The following SPEN variants were observed in gnomAD, a reference collection of about 807,000 sequenced individuals.
The protein encoded by SPEN is msx2-interacting protein.
A neutral mutation model predicts 269.9 loss-of-function variants in SPEN; 18 were observed. That is an observed-to-expected ratio of 0.07 (90% confidence interval 0.05 to 0.10). The LOEUF is 0.10. Ranked by LOEUF, SPEN falls within the 10% of genes least tolerant of loss-of-function variation. The pLI is 1.00. For missense variants in SPEN, 3,822 were observed against 4,631.2 expected, an observed-to-expected ratio of 0.83 and a Z score of 5.07; for synonymous variants, 1,726 against 1,765.7, an observed-to-expected ratio of 0.98 and a Z score of 0.56.
chr1:15,851,413 G>GAA (rs992591900), intron 1 of SPEN, among the ~76,000 whole-genome samples: 9 of 152,256 alleles, frequency 5.9e-5, no homozygotes, highest in African/African-American at 2.2e-4. Context: ...ACACAATAGA[G>GAA]AAAGTCCTTT....
chr1:15,859,042 AAC>A, intron 1 of SPEN, among the ~76,000 whole-genome samples: 1 of 152,222 alleles, frequency 6.6e-6, no homozygotes, highest in Non-Finnish European at 1.5e-5. Context: ...TCCTTCTGCT[AAC>A]CAGCTATGTT....
At chr1:15,862,036 C>A (rs976974894) in intron 1 of SPEN, among the ~76,000 whole-genome samples, 1 of 151,948 alleles carries the variant, frequency 6.6e-6, no homozygotes, top group Non-Finnish European at 1.5e-5. Flanking sequence ...AGTGAGACTC[C>A]GTCTCAAAAA....
At chr1:15,860,528 G>A (rs990821801) in intron 1 of SPEN, among the ~76,000 whole-genome samples, 2 of 148,960 alleles carry the variant, frequency 1.3e-5, no homozygotes, top group African/African-American at 5.0e-5. Context: ...CTGGTCTCAG[G>A]ATATCCTCCC....
rs1019131737 is a variant in SPEN, at chr1:15,928,300, C to G, written c.2060C>G (p.Pro687Arg). The change falls in exon 11 of 15, where the codon CCT (proline) becomes CGT (arginine). Residue 687 changes from proline (P) to arginine (R), a missense_variant. Physicochemically the swap from Pro to Arg is moderately radical, Grantham distance 103. This residue lies in a region of SPEN where 572 missense variants were observed against 582.6 expected (regional missense o/e 0.98). Coordinates refer to ENST00000375759, the MANE Select transcript of SPEN (RefSeq NM_015001.3). This position sits in a 1 kb window ranked among gnomAD's most constrained non-coding sequence, Gnocchi z 5.7. ...PREYRDYRND[P>R]YEQDIREYSY... is the part of the protein sequence containing the mutation. ...GAATACAGGGATTACAGGAATGATC[C>G]TTATGAACAAGATATTAGGGAATAT... 16 of 1,613,962 alleles carry G rather than the reference C, an allele frequency of 9.9e-6. No homozygotes were observed. Among genetic ancestry groups the G allele is most frequent in the Admixed American group, 1.7e-5 (1 of 59,998 alleles).
intron 1 of SPEN, among the ~76,000 whole-genome samples, chr1:15,868,583 C>T (rs962290458): frequency 4.0e-5 from 6 of 151,666 alleles, no homozygotes; most frequent in African/African-American, 1.5e-4. Flanking sequence ...TACAGGTGCC[C>T]GCCACCATGC....
intron 3 of SPEN, among the ~76,000 whole-genome samples, chr1:15,879,021 A>G (rs1266251022): frequency 9.3e-5 from 14 of 150,342 alleles, no homozygotes; most frequent in Non-Finnish European, 1.8e-4. Flanking sequence ...AAAAAAAAAA[A>G]AAAGAAAAGA....
Position 15,934,400 on chromosome 1 carries a change from C to T in SPEN, c.8160C>T (p.Ala2720=), listed in dbSNP as rs778618853. ...PVNATVGTVN[A]APGTVNAAAS... ...ACGCCACGGTGGGCACAGTGAATGC[C>T]GCCCCAGGCACAGTCAATGCCGCTG... The change falls in exon 11 of 15, where the codon GCC becomes GCT. Residue 2720 remains alanine, a synonymous_variant. Transcript: ENST00000375759. This position sits in a 1 kb window ranked among gnomAD's most constrained non-coding sequence, Gnocchi z 9.2. 2.0e-5 allele frequency: 33 copies of T among 1,613,592 alleles called. No individual in the cohort carries two copies. Among genetic ancestry groups the T allele is most frequent in the South Asian group, 1.9e-4 (17 of 91,086 alleles).
At chr1:15,892,358 A>T (rs1417637019) in intron 3 of SPEN, among the ~76,000 whole-genome samples, 1 of 152,144 alleles carries the variant, frequency 6.6e-6, no homozygotes, top group Non-Finnish European at 1.5e-5. Context: ...ACTATTTGAA[A>T]ATTAAAATTT....
At chr1:15,907,277 T>C (rs1470577074) in intron 3 of SPEN, among the ~76,000 whole-genome samples, 2 of 151,760 alleles carry the variant, frequency 1.3e-5, no homozygotes, top group East Asian at 1.9e-4. Context: ...AGGTCAGGAG[T>C]TTGAGACCAA....
At chr1:15,918,452 C>T (rs185355835) in intron 6 of SPEN, among the ~76,000 whole-genome samples, 39 of 152,364 alleles carry the variant, frequency 2.6e-4, no homozygotes, top group African/African-American at 8.4e-4. Context: ...CTCCTGACCT[C>T]AAGTGATCCG....
chr1:15,876,414 G>C lies in SPEN; in HGVS notation c.617G>C (p.Arg206Pro). Reference protein sequence around the residue: ...AHDPRYEPRAREQFTLPSVVH... With the variant: ...AHDPRYEPRAPEQFTLPSVVH... ...GACCCCCGATATGAACCTAGGGCTC[G>C]CGAGCAGTTTACACTGCCCAGTGTG... is the stretch of plus-strand genomic sequence containing the variant. Residue 206 changes from arginine (R) to proline (P), a missense_variant, in exon 3 of 15, where the codon CGC becomes CCC. By Grantham distance (103) the Arg-to-Pro change is moderately radical. Around this residue, in one of 16 missense-constraint regions of SPEN, gnomAD observed 327 missense variants for 350.8 expected, o/e 0.93. Coordinates refer to ENST00000375759, the MANE Select transcript of SPEN (RefSeq NM_015001.3). 1 of 1,614,032 alleles carries C rather than the reference G, an allele frequency of 6.2e-7. No homozygotes were observed. The highest frequency in any genetic ancestry group is 1.6e-4 in the Middle Eastern group (1 of 6,062).
At chr1:15,884,241 T>A (rs2070715924) in intron 3 of SPEN, among the ~76,000 whole-genome samples, 1 of 152,034 alleles carries the variant, frequency 6.6e-6, no homozygotes, top group African/African-American at 2.4e-5. Context: ...ATAAGAAGCA[T>A]TTTTTTTCTG....
intron 10 of SPEN, among the ~76,000 whole-genome samples, chr1:15,923,419 C>A (rs1282237320): frequency 6.6e-6 from 1 of 152,138 alleles, no homozygotes; most frequent in Non-Finnish European, 1.5e-5. Flanking sequence ...AATGTTCCCA[C>A]TAGGTCTCCA....
chr1:15,865,314 G>C (rs540804374), intron 1 of SPEN, among the ~76,000 whole-genome samples: 1 of 151,132 alleles, frequency 6.6e-6, no homozygotes, highest in Non-Finnish European at 1.5e-5. Context: ...CGGCCTCCCA[G>C]AGTGCTAGGA....
rs1192954183 is a variant in SPEN, at chr1:15,933,242, A to G, written c.7002A>G (p.Lys2334=). 1.2e-6 allele frequency: 2 copies of G among 1,614,052 alleles called. No homozygotes were observed. Among genetic ancestry groups the G allele is most frequent in the Non-Finnish European group, 1.7e-6 (2 of 1,180,044 alleles). Residue 2334 remains lysine (K), a synonymous_variant, in exon 11 of 15, where the codon AAA becomes AAG. Transcript: ENST00000375759. The surrounding 1 kb of genome is among the most constrained non-coding windows in gnomAD (Gnocchi z 5.7). ...TTCGGAAAGACAAAGGGCGCCAGAA[A>G]ACAACCCGATCACGCCGCAAGCGAA... ...TLVRKDKGRQ[K]TTRSRRKRNT...
At position 15,931,415 on chromosome 1, in the gene SPEN, T is replaced by G. The variant is rs772435928; in HGVS notation, c.5175T>G (p.Gly1725=). 3.1e-6 allele frequency: 5 copies of G among 1,613,962 alleles called. No homozygotes were observed. The highest frequency in any genetic ancestry group is 1.6e-4 in the Middle Eastern group (1 of 6,084). Reference sequence around the variant, plus strand: ...CGGGTGTTGAGGAAGGTTCATCAGGTGACCAGCCGCCTTATCTGGATGCCA... The same window carrying G: ...CGGGTGTTGAGGAAGGTTCATCAGGGGACCAGCCGCCTTATCTGGATGCCA... The part of the protein sequence containing the change: ...MPAGVEEGSS[G]DQPPYLDAKP... The change falls in exon 11 of 15, where the codon GGT becomes GGG. Residue 1725 remains glycine (G), a synonymous_variant. Coordinates refer to ENST00000375759, the MANE Select transcript of SPEN (RefSeq NM_015001.3). This position sits in a 1 kb window ranked among gnomAD's most constrained non-coding sequence, Gnocchi z 4.8.
intron 3 of SPEN, among the ~76,000 whole-genome samples, chr1:15,904,949 C>T (rs1337660810): frequency 6.7e-6 from 1 of 149,170 alleles, no homozygotes; most frequent in East Asian, 2.0e-4. Context: ...AGTGCAATGG[C>T]GCAACCTTGG....
At chr1:15,894,045 A>C (rs1442996909) in intron 3 of SPEN, among the ~76,000 whole-genome samples, 1 of 152,132 alleles carries the variant, frequency 6.6e-6, no homozygotes, top group East Asian at 1.9e-4. Flanking sequence ...TCAAACTTCA[A>C]ATTTGCTTAT....
intron 10 of SPEN, among the ~76,000 whole-genome samples, chr1:15,924,208 C>T (rs1345271152): frequency 6.6e-6 from 1 of 152,020 alleles, no homozygotes; most frequent in Non-Finnish European, 1.5e-5. Flanking sequence ...TGTCTCATGT[C>T]AAGAGAGAAA....
Sources: gnomAD v4.1 joint callset for allele counts (sites outside exome capture counted in the v4.1 genomes callset) on GRCh38, gnomAD v4.1.1 for gene constraint, gnomAD v4.1.1 regional missense constraint, Gnocchi (gnomAD v3.1) non-coding constraint, MANE v1.5 for transcripts, NCBI Gene and HGNC (gene_info 2026-07-23, HGNC 2026-07-21) for gene names.